Variants in ANGPTL6 observed in about 807,000 individuals in gnomAD.
The protein encoded by ANGPTL6 is angiopoietin-related protein 6.
In ANGPTL6, 45 loss-of-function variants were observed where a neutral mutation model predicts 47.4. The ratio of observed to expected loss-of-function variants is 0.95; its 90% CI spans 0.75 to 1.22. The LOEUF (loss-of-function observed/expected upper bound fraction) is 1.22. Ranked by LOEUF, ANGPTL6 falls within the 50% of genes most tolerant of loss-of-function variation. The pLI, the probability that ANGPTL6 is intolerant of heterozygous loss-of-function variation, is 0.00. For synonymous variants in ANGPTL6, 290 were observed against 295.9 expected (o/e 0.98, Z 0.20); for missense variants, 698 against 669.4 (o/e 1.04, Z -0.47).
Position 10,102,665 on chromosome 19 carries a change from G to C in ANGPTL6, c.-108C>G, listed in dbSNP as rs566100979. 1.0e-6 allele frequency: 1 copy of C among 984,844 alleles called. No homozygotes were observed. Among genetic ancestry groups the C allele is most frequent in the Non-Finnish European group, 1.2e-6 (1 of 829,536 alleles). The allele number at this position is 984,844 out of a possible 1,614,324, so 61.0% of individuals were successfully genotyped here. A position where few individuals can be genotyped will look rare whatever the true frequency, so the allele number is the denominator to read the frequency against. On this transcript the variant is annotated 5_prime_UTR_variant, in exon 1 of 6. Coordinates refer to ENST00000253109, the MANE Select transcript of ANGPTL6 (RefSeq NM_031917.3). The stretch of plus-strand genomic sequence containing the variant: ...CCAGTGGGGCCTCTGAGCTAGAGAC[G>C]GGGAGAGGGCAGTGGGACAGAAGGA...
intron 1 of ANGPTL6, among the ~76,000 whole-genome samples, chr19:10,098,790 C>T (rs1306966059): frequency 6.6e-6 from 1 of 151,646 alleles, no homozygotes; most frequent in African/African-American, 2.4e-5. Context: ...CACCACCGCA[C>T]TCCAGCCTGG....
In ANGPTL6 at chr19:10,093,886, G is replaced by C; in HGVS notation, c.764-6C>G. 1 of 1,606,494 alleles carries C rather than the reference G, an allele frequency of 6.2e-7. No individual in the cohort carries two copies. Among genetic ancestry groups the C allele is most frequent in the African/African-American group, 1.3e-5 (1 of 75,070 alleles). On this transcript the variant is annotated splice_region_variant and splice_polypyrimidine_tract_variant and intron_variant, in intron 3 of 5. Coordinates refer to ENST00000253109, the MANE Select transcript of ANGPTL6 (RefSeq NM_031917.3). ...TGCACAATCCTGCCACGGGCCTGTG[G>C]GCACAGGGATAGGGGGGAGGCACAG...
upstream of ANGPTL6, among the ~76,000 whole-genome samples, chr19:10,103,915 A>G (rs2088748167): frequency 6.6e-6 from 1 of 151,492 alleles, no homozygotes; most frequent in Non-Finnish European, 1.5e-5. Flanking sequence ...CAAGATGGTG[A>G]AACCCCGTCT....
chr19:10,103,993 T>C (rs4804485), upstream of ANGPTL6, among the ~76,000 whole-genome samples: 11,391 of 145,004 alleles, frequency 0.079, 1,191 homozygotes, highest in East Asian at 0.49. Context: ...CTCAGGAGGC[T>C]GAGGCAGGAG....
intron 1 of ANGPTL6, among the ~76,000 whole-genome samples, chr19:10,099,849 CTCTT>C (rs1165807724): frequency 2.1e-5 from 3 of 145,646 alleles, no homozygotes; most frequent in East Asian, 4.3e-4. Flanking sequence ...CTCTCTTTCT[CTCTT>C]TCTCTCTCTC....
chr19:10,094,697 T>C, intron 3 of ANGPTL6, 61 bp downstream of exon 3: 2 of 1,604,756 alleles, frequency 1.2e-6, no homozygotes, highest in Non-Finnish European at 1.7e-6. Context: ...AATCTGCCAC[T>C]AAAATCCTGA....
intron 1 of ANGPTL6, among the ~76,000 whole-genome samples, chr19:10,099,596 A>C (rs1367307592): frequency 6.6e-6 from 1 of 151,156 alleles, no homozygotes; most frequent in Non-Finnish European, 1.5e-5. Flanking sequence ...AAAAAAAAAA[A>C]AAAAACTTGT....
upstream of ANGPTL6, among the ~76,000 whole-genome samples, chr19:10,104,300 G>GT (rs2088761481): frequency 1.2e-5 from 1 of 86,314 alleles, no homozygotes; most frequent in Admixed American, 1.3e-4. Flanking sequence ...TGTTTTTTTT[G>GT]TTTTGTTTGT....
chr19:10,093,912 C>T (rs1051351138), intron 3 of ANGPTL6, 32 bp from the exon 4 acceptor site: 1 of 1,596,948 alleles, frequency 6.3e-7, no homozygotes, highest in Middle Eastern at 1.7e-4. Context: ...GGAGGCACAG[C>T]CTGGGCTGAC....
chr19:10,101,607 A>C (rs1242042647), intron 1 of ANGPTL6, among the ~76,000 whole-genome samples: 1 of 151,586 alleles, frequency 6.6e-6, no homozygotes, highest in Non-Finnish European at 1.5e-5. Context: ...CGAGAGTTCA[A>C]GACCAGCCTG....
At chr19:10,103,006 C>T (rs1053525919), upstream of ANGPTL6, among the ~76,000 whole-genome samples, 2 of 151,812 alleles carry the variant, frequency 1.3e-5, no homozygotes, top group African/African-American at 4.8e-5. Flanking sequence ...TGGGGACTTA[C>T]CGTGTGTAGG....
At chr19:10,101,671 G>C (rs2088682248) in intron 1 of ANGPTL6, among the ~76,000 whole-genome samples, 1 of 151,598 alleles carries the variant, frequency 6.6e-6, no homozygotes, top group Admixed American at 6.6e-5. Context: ...AGCTGGGCAT[G>C]GTAATGCATG....
In ANGPTL6 at chr19:10,096,148, A is replaced by G. The variant is rs554909694; in HGVS notation, c.416T>C (p.Leu139Pro). 58 of 1,354,346 alleles carry G rather than the reference A, an allele frequency of 4.3e-5. No individual in the cohort carries two copies. Among genetic ancestry groups the G allele is most frequent in the Non-Finnish European group, 5.5e-5 (58 of 1,052,568 alleles). 83.9% of individuals were successfully genotyped at this position (1,354,346 alleles called of 1,614,324 possible). The change falls in exon 2 of 6, where the codon CTC becomes CCC. Residue 139 changes from leucine to proline, a missense_variant. Leu to Pro is a moderately conservative substitution (Grantham distance 98). Coordinates refer to ENST00000253109, the MANE Select transcript of ANGPTL6 (RefSeq NM_031917.3). The stretch of plus-strand genomic sequence containing the variant: ...GGACGCGTTGAGCACGCGCTCCCCG[A>G]GCAGCGCCAGCGCCGCGGCAGGCTC... Reference protein sequence around the residue: ...GAEPAAALALLGERVLNASAE... With the variant: ...GAEPAAALALPGERVLNASAE...
chr19:10,104,267 C>T (rs2088760147), upstream of ANGPTL6, among the ~76,000 whole-genome samples: 2 of 148,426 alleles, frequency 1.3e-5, no homozygotes. Context: ...TTCATATGTA[C>T]AGTGATAGCT....
Position 10,094,847 on chromosome 19 carries a change from T to C in ANGPTL6, c.674A>G (p.Glu225Gly). The change falls in exon 3 of 6, where the codon GAG becomes GGG. Residue 225 changes from glutamate (E) to glycine (G), a missense_variant. Transcript: ENST00000253109. ...TCTCTGGGTCTGGTCTCTCTGGGGC[T>C]CTGGGGCTGGGTCCAGCATCCTACT... ...DTSRMLDPAP[E>G]PQRDQTQRQQ... The C allele has an allele frequency of 6.2e-7, 1 of 1,614,192 alleles. No homozygotes were observed.
chr19:10,096,551 A>G lies in ANGPTL6; in HGVS notation c.13T>C (p.Trp5Arg). The G allele has an allele frequency of 6.6e-7, 1 of 1,510,778 alleles. No homozygotes were observed. The allele number at this position is 1,510,778 out of a possible 1,614,324, so 93.6% of individuals were successfully genotyped here. A position where few individuals can be genotyped will look rare whatever the true frequency, so the allele number is the denominator to read the frequency against. MGKP[W>R]LRALQLLLLL... ...AGCAGCAGCTGTAGCGCACGCAGCC[A>G]GGGCTTCCCCATCGCGGCGGACCTG... Residue 5 changes from tryptophan to arginine, a missense_variant, in exon 2 of 6, where the codon TGG becomes CGG. Coordinates refer to ENST00000253109, the MANE Select transcript of ANGPTL6 (RefSeq NM_031917.3).
intron 1 of ANGPTL6, among the ~76,000 whole-genome samples, chr19:10,098,005 CA>C (rs71188881): frequency 0.21 from 27,521 of 130,634 alleles, 3,459 homozygotes; most frequent in East Asian, 0.37. Flanking sequence ...CTGTCTCTAC[CA>C]AAAAAAAAAA....
rs1030065661 is a variant in ANGPTL6, at chr19:10,093,685, G to A, written c.951+8C>T. 5.0e-6 allele frequency: 8 copies of A among 1,614,098 alleles called. No homozygotes were observed. The highest frequency in any genetic ancestry group is 6.8e-6 in the Non-Finnish European group (8 of 1,179,962). ...TCCCCTTCCCTGCCTCTGCCCACCTGTGCCCACCTTATAGTGCTGCCAGGT... is the reference window on the plus strand; with the variant it reads ...TCCCCTTCCCTGCCTCTGCCCACCTATGCCCACCTTATAGTGCTGCCAGGT... On this transcript the variant is annotated splice_region_variant and intron_variant, in intron 4 of 5. Coordinates refer to ENST00000253109, the MANE Select transcript of ANGPTL6 (RefSeq NM_031917.3).
chr19:10,103,938 C>G (rs898508371), upstream of ANGPTL6, among the ~76,000 whole-genome samples: 2 of 151,448 alleles, frequency 1.3e-5, no homozygotes, highest in Non-Finnish European at 2.9e-5. Flanking sequence ...ACTAAAAATA[C>G]AAAAATTTGC....
Sources: allele counts gnomAD v4.1 joint callset (sites outside exome capture counted in the v4.1 genomes callset), GRCh38; gene constraint gnomAD v4.1.1; transcripts MANE v1.5; gene names NCBI Gene and HGNC (gene_info 2026-07-23, HGNC 2026-07-21).